TSHZ2: variants seen among roughly 807,000 people sequenced by gnomAD.
The protein encoded by TSHZ2 is teashirt homolog 2.
Under a neutral mutation model 74.4 loss-of-function variants are expected in TSHZ2, and 21 were observed. The observed-to-expected ratio is 0.28, with a 90% CI of 0.20 to 0.41. TSHZ2 has a LOEUF of 0.41. TSHZ2 is among the 10% of genes least tolerant of loss of function. The pLI is 1.00. For missense variants in TSHZ2, 1,244 were observed against 1,293.5 expected, an observed-to-expected ratio of 0.96 and a Z score of 0.59; for synonymous variants, 540 against 515.3, an observed-to-expected ratio of 1.05 and a Z score of -0.65.
In TSHZ2 at chr20:53,314,133, CA is replaced by C. The variant is rs1055072706; in HGVS notation, c.*8+57567del. Among the ~76,000 whole-genome samples the C allele has an allele frequency of 7.9e-5, 12 of 151,898 alleles. 1 individual carries two copies. On this transcript the variant is annotated intron_variant, in intron 2 of 2. Transcript: ENST00000371497. ...TGAAACCCCATCTCTACTAAAAATA[CA>C]AAAATCAGTCAGATGTGGTGATGGG...
At chr20:53,027,083 C>CTT (rs11483881) in intron 1 of TSHZ2, among the ~76,000 whole-genome samples, 2 of 151,722 alleles carry the variant, frequency 1.3e-5, no homozygotes, top group African/African-American at 4.8e-5. Context: ...TTGTTTGCAA[C>CTT]TTTTTTGCTA....
chr20:53,010,270 A>C (rs1485193436), intron 1 of TSHZ2, among the ~76,000 whole-genome samples: 2 of 152,146 alleles, frequency 1.3e-5, no homozygotes, highest in African/African-American at 2.4e-5. Flanking sequence ...CACCCACCAC[A>C]TTGCATCACA....
At chr20:53,391,564 T>C (rs1198188631) in intron 2 of TSHZ2, among the ~76,000 whole-genome samples, 2 of 152,100 alleles carry the variant, frequency 1.3e-5, no homozygotes, top group African/African-American at 2.4e-5. Context: ...CCTAAAGTGC[T>C]GGAATTACAG....
intron 1 of TSHZ2, among the ~76,000 whole-genome samples, chr20:53,231,718 T>C (rs1242608777): frequency 2.0e-5 from 3 of 152,186 alleles, no homozygotes; most frequent in South Asian, 2.1e-4. Flanking sequence ...GACTCACAGA[T>C]AGCATCTTTC....
chr20:53,188,904 T>TGG, intron 1 of TSHZ2, among the ~76,000 whole-genome samples: 1 of 152,184 alleles, frequency 6.6e-6, no homozygotes, highest in Admixed American at 6.5e-5. Flanking sequence ...CATTAGTGCA[T>TGG]TTAATCCTTA....
chr20:53,255,125 C>A lies in TSHZ2; in HGVS notation c.1667C>A (p.Pro556Gln), dbSNP rs777134610. 6.2e-7 allele frequency: 1 copy of A among 1,614,186 alleles called. No homozygotes were observed. The highest frequency in any genetic ancestry group is 8.5e-7 in the Non-Finnish European group (1 of 1,180,034). ...AAYQLSEGTK[P>Q]PLPMGSQVLQ... Reference sequence around the variant, plus strand: ...TACCAGCTGTCTGAGGGCACCAAGCCGCCTTTGCCTATGGGATCCCAGGTA... The same window carrying A: ...TACCAGCTGTCTGAGGGCACCAAGCAGCCTTTGCCTATGGGATCCCAGGTA... Residue 556 changes from proline (P) to glutamine (Q), a missense_variant, in exon 2 of 3, where the codon CCG becomes CAG. This residue lies in a region of TSHZ2 where 562 missense variants were observed against 544.0 expected (regional missense o/e 1.03). Transcript: ENST00000371497. This position sits in a 1 kb window ranked among gnomAD's most constrained non-coding sequence, Gnocchi z 4.1.
At position 53,346,574 on chromosome 20, in the gene TSHZ2, A is replaced by T. The variant is rs76419757; in HGVS notation, c.*8+90003A>T. ...GGAAAACTTCTCTAGGGCTATTCGA[A>T]GGAAGCTTAGGCTCCTCCTGTTGAC... On this transcript the variant is annotated intron_variant, in intron 2 of 2. Transcript: ENST00000371497. Among the ~76,000 whole-genome samples the T allele has an allele frequency of 5.2e-3, 785 of 152,306 alleles. 7 individuals carry two copies. Among genetic ancestry groups the T allele is most frequent in the African/African-American group, 0.018 (746 of 41,564 alleles).
In TSHZ2 at chr20:53,255,509, A is replaced by G. The variant is rs752089030; in HGVS notation, c.2051A>G (p.Asn684Ser). 6.3e-7 allele frequency: 1 copy of G among 1,591,142 alleles called. No individual in the cohort carries two copies. The highest frequency in any genetic ancestry group is 1.1e-5 in the South Asian group (1 of 87,664). Residue 684 changes from asparagine to serine, a missense_variant, in exon 2 of 3, where the codon AAC (asparagine) becomes AGC (serine). By Grantham distance (46) the Asn-to-Ser change is conservative (BLOSUM62 1). This residue lies in a region of TSHZ2 where 562 missense variants were observed against 544.0 expected (regional missense o/e 1.03). Transcript: ENST00000371497. This position sits in a 1 kb window ranked among gnomAD's most constrained non-coding sequence, Gnocchi z 4.1. The stretch of plus-strand genomic sequence containing the variant: ...CTGAGCAATGGGTGCGCCCTCGCCA[A>G]CCACGCCCCGGCCCTGCCATGCATC... ...SALSNGCALA[N>S]HAPALPCINP...
chr20:53,235,252 CTGCCTCT>C (rs1328719386), intron 1 of TSHZ2, among the ~76,000 whole-genome samples: 2 of 152,060 alleles, frequency 1.3e-5, no homozygotes, highest in Admixed American at 6.5e-5. Context: ...ACTGCAACCT[CTGCCTCT>C]TGGGTTCAAG....
At chr20:53,393,968 G>A (rs969648672) in intron 2 of TSHZ2, among the ~76,000 whole-genome samples, 3 of 152,196 alleles carry the variant, frequency 2.0e-5, no homozygotes, top group African/African-American at 7.2e-5. Flanking sequence ...AGTTAGGAAT[G>A]GTTTGTTATT....
intron 1 of TSHZ2, among the ~76,000 whole-genome samples, chr20:53,069,454 G>GA (rs1371885669): frequency 1.3e-5 from 2 of 151,682 alleles, no homozygotes; most frequent in African/African-American, 4.8e-5. Context: ...CTTCCTGAAA[G>GA]AAAAAAATAT....
chr20:53,391,233 G>A (rs1054340236), intron 2 of TSHZ2, among the ~76,000 whole-genome samples: 1 of 152,062 alleles, frequency 6.6e-6, no homozygotes, highest in Admixed American at 6.6e-5. Flanking sequence ...TGCAAGCTCC[G>A]CCTCCTGGGT....
intron 1 of TSHZ2, among the ~76,000 whole-genome samples, chr20:53,023,153 G>T (rs958336078): frequency 2.6e-5 from 4 of 152,144 alleles, no homozygotes; most frequent in African/African-American, 9.7e-5. Context: ...TTGAATTATA[G>T]AAGTCTTGCT....
At chr20:53,331,445 C>T (rs891527827) in intron 2 of TSHZ2, among the ~76,000 whole-genome samples, 1 of 152,038 alleles carries the variant, frequency 6.6e-6, no homozygotes, top group Admixed American at 6.5e-5. Context: ...CACAGCCGGG[C>T]CAGGGGGAAC....
chr20:53,460,236 C>G (rs1425988499), intron 2 of TSHZ2, among the ~76,000 whole-genome samples: 1 of 152,002 alleles, frequency 6.6e-6, no homozygotes, highest in Non-Finnish European at 1.5e-5. Context: ...TCCCATATTT[C>G]TTGGAGGCTG....
Position 53,255,826 on chromosome 20 carries a change from C to A in TSHZ2, c.2368C>A (p.His790Asn). 1.2e-6 allele frequency: 2 copies of A among 1,612,798 alleles called. No homozygotes were observed. Among genetic ancestry groups the A allele is most frequent in the Non-Finnish European group, 1.7e-6 (2 of 1,179,334 alleles). Reference sequence around the variant, plus strand: ...ATCTTGTATGTCCCCACCTCAGAAGCACGCTCTGTCTGACATCGCCGACAT... The same window carrying A: ...ATCTTGTATGTCCCCACCTCAGAAGAACGCTCTGTCTGACATCGCCGACAT... ...AQSCMSPPQK[H>N]ALSDIADMVK... The change falls in exon 2 of 3, where the codon CAC (histidine) becomes AAC (asparagine). Residue 790 changes from histidine (H) to asparagine (N), a missense_variant. Physicochemically the swap from His to Asn is moderately conservative, Grantham distance 68. This residue lies in a region of TSHZ2 where 562 missense variants were observed against 544.0 expected (regional missense o/e 1.03). Coordinates refer to ENST00000371497, the MANE Select transcript of TSHZ2 (RefSeq NM_173485.6). This position sits in a 1 kb window ranked among gnomAD's most constrained non-coding sequence, Gnocchi z 4.1.
Position 53,235,540 on chromosome 20 carries a change from G to A in TSHZ2, c.41-17959G>A, listed in dbSNP as rs114133012. On this transcript the variant is annotated intron_variant, in intron 1 of 2. Coordinates refer to ENST00000371497, the MANE Select transcript of TSHZ2 (RefSeq NM_173485.6). ...CCACTTTCATCTCTTCTGCTAGCCC[G>A]AAATCCCTCACATAAATGTAAAAAT... 8.0e-3 allele frequency among the ~76,000 whole-genome samples: 1,217 copies of A among 152,104 alleles called. 12 individuals carry two copies. The highest frequency in any genetic ancestry group is 0.028 in the African/African-American group (1,180 of 41,470).
intron 1 of TSHZ2, among the ~76,000 whole-genome samples, chr20:53,105,951 A>G (rs1042487071): frequency 6.6e-6 from 1 of 152,130 alleles, no homozygotes; most frequent in Non-Finnish European, 1.5e-5. Context: ...ACCCAGCCTT[A>G]TTTTATTTTT....
At chr20:53,102,556 AG>A (rs1410649434) in intron 1 of TSHZ2, among the ~76,000 whole-genome samples, 1 of 152,114 alleles carries the variant, frequency 6.6e-6, no homozygotes, top group Non-Finnish European at 1.5e-5. Flanking sequence ...TAAAGAGTGA[AG>A]GGTGCAATTT....
Sources: gnomAD v4.1 joint callset for allele counts (sites outside exome capture counted in the v4.1 genomes callset) on GRCh38, gnomAD v4.1.1 for gene constraint, gnomAD v4.1.1 regional missense constraint, Gnocchi (gnomAD v3.1) non-coding constraint, MANE v1.5 for transcripts, NCBI Gene and HGNC (gene_info 2026-07-23, HGNC 2026-07-21) for gene names.